Variants in PPP4R4 observed in about 807,000 individuals in gnomAD.
The protein encoded by PPP4R4 is serine/threonine-protein phosphatase 4 regulatory subunit 4.
In PPP4R4, 70 loss-of-function variants were observed where a neutral mutation model predicts 121.8. That is an observed-to-expected ratio of 0.57 (90% CI 0.47 to 0.70). The LOEUF (loss-of-function observed/expected upper bound fraction) is 0.70, where lower values mean the gene tolerates loss of function less well. Ranked by LOEUF, PPP4R4 falls within the 30% of genes least tolerant of loss-of-function variation. PPP4R4 has a pLI of 0.00. For missense variants in PPP4R4, 875 were observed against 1,033.6 expected (o/e 0.85, Z 2.10); for synonymous variants, 348 against 355.7 (o/e 0.98, Z 0.24).
chr14:94,206,196 C>A (rs1890449961), intron 2 of PPP4R4, among the ~76,000 whole-genome samples: 2 of 151,728 alleles, frequency 1.3e-5, no homozygotes, highest in South Asian at 4.2e-4. Context: ...GGATTCATCT[C>A]TTTTATCATT....
chr14:94,250,193 G>T lies in PPP4R4; in HGVS notation c.1633G>T (p.Ala545Ser). ...MTNNVLPVQK[A>S]ASRTLCIFLR... Reference sequence around the variant, plus strand: ...CAAGAATGTTTTACCTGTCCAAAAGGCGGCTTCACGAACTCTATGCATTTT... The same window carrying T: ...CAAGAATGTTTTACCTGTCCAAAAGTCGGCTTCACGAACTCTATGCATTTT... Residue 545 changes from alanine (A) to serine (S), a missense_variant, in exon 15 of 25, where the codon GCG (alanine) becomes TCG (serine). By Grantham distance (99) the Ala-to-Ser change is moderately conservative. Transcript: ENST00000304338. The T allele has an allele frequency of 6.2e-7, 1 of 1,611,110 alleles. No individual in the cohort carries two copies. The highest frequency in any genetic ancestry group is 8.5e-7 in the Non-Finnish European group (1 of 1,177,648).
chr14:94,268,016 G>T (rs1009102390), intron 23 of PPP4R4, among the ~76,000 whole-genome samples: 1 of 152,086 alleles, frequency 6.6e-6, no homozygotes, highest in Non-Finnish European at 1.5e-5. Flanking sequence ...GGTGATTATC[G>T]CAAGAAATAA....
chr14:94,185,723 A>T (rs1214574037), intron 2 of PPP4R4, among the ~76,000 whole-genome samples: 1 of 152,198 alleles, frequency 6.6e-6, no homozygotes, highest in Non-Finnish European at 1.5e-5. Flanking sequence ...CATCCCATTT[A>T]GAAACTTCTT....
chr14:94,237,048 A>G (rs1240418610), intron 7 of PPP4R4, among the ~76,000 whole-genome samples: 2 of 152,178 alleles, frequency 1.3e-5, no homozygotes, highest in South Asian at 2.1e-4. Context: ...TATACTCCCT[A>G]AAAGTATTTA....
At chr14:94,185,775 G>A (rs73342832) in intron 2 of PPP4R4, among the ~76,000 whole-genome samples, 4,727 of 152,198 alleles carry the variant, frequency 0.031, 202 homozygotes, top group African/African-American at 0.091. Flanking sequence ...TCTAGATTGG[G>A]CACCAAATTC....
intron 12 of PPP4R4, 59 bp downstream of exon 12, chr14:94,244,771 T>C: frequency 7.1e-7 from 1 of 1,400,376 alleles, no homozygotes. Flanking sequence ...AATATACCAA[T>C]GCCTTTTCTC....
intron 5 of PPP4R4, 129 bp downstream of exon 5, chr14:94,231,444 T>C (rs1170700133): frequency 3.1e-6 from 2 of 642,420 alleles, no homozygotes; most frequent in African/African-American, 3.7e-5. Flanking sequence ...ACGTGCACAT[T>C]GGAGGAAATT....
intron 8 of PPP4R4, among the ~76,000 whole-genome samples, chr14:94,239,342 TC>T (rs1330124634): frequency 3.4e-5 from 2 of 58,392 alleles, no homozygotes; most frequent in East Asian, 5.6e-4. Context: ...ATGCTATCCC[TC>T]CCCCCTCCCC....
intron 6 of PPP4R4, 124 bp from the exon 7 acceptor site, chr14:94,234,438 A>T (rs1892215446): frequency 3.1e-6 from 2 of 636,362 alleles, no homozygotes; most frequent in South Asian, 2.1e-5. Flanking sequence ...GTAAACTATT[A>T]TTTTTTTTCT....
chr14:94,273,727 C>A (rs2139666760), intron 23 of PPP4R4, among the ~76,000 whole-genome samples: 3 of 152,074 alleles, frequency 2.0e-5, no homozygotes, highest in Middle Eastern at 3.4e-3. Context: ...GATCTCTGTA[C>A]CTTCCACTCA....
At chr14:94,253,168 A>G (rs1001701461) in intron 16 of PPP4R4, among the ~76,000 whole-genome samples, 1 of 152,200 alleles carries the variant, frequency 6.6e-6, no homozygotes, top group Non-Finnish European at 1.5e-5. Context: ...ATTGAAAAGA[A>G]CCTTTTGGGC....
chr14:94,234,910 A>G (rs895751458), intron 7 of PPP4R4, among the ~76,000 whole-genome samples: 5 of 152,224 alleles, frequency 3.3e-5, no homozygotes, highest in African/African-American at 1.2e-4. Flanking sequence ...ATAGCCCAAT[A>G]TAAACCATAC....
At chr14:94,193,773 C>G (rs1036537556) in intron 2 of PPP4R4, among the ~76,000 whole-genome samples, 1 of 152,044 alleles carries the variant, frequency 6.6e-6, no homozygotes, top group Non-Finnish European at 1.5e-5. Flanking sequence ...GCTTGAGATT[C>G]TAGAGATGGA....
At chr14:94,175,103 AC>A (rs1299232892) in intron 1 of PPP4R4, among the ~76,000 whole-genome samples, 1 of 149,700 alleles carries the variant, frequency 6.7e-6, no homozygotes. Flanking sequence ...ATCGGTCCAC[AC>A]ATTCCCAACT....
chr14:94,178,510 A>G (rs2139371472), intron 2 of PPP4R4, among the ~76,000 whole-genome samples: 1 of 151,864 alleles, frequency 6.6e-6, no homozygotes, highest in East Asian at 1.9e-4. Context: ...TGGGGTTCTG[A>G]TAGCATTTAG....
chr14:94,269,705 G>C (rs1478126386), intron 23 of PPP4R4, among the ~76,000 whole-genome samples: 1 of 151,812 alleles, frequency 6.6e-6, no homozygotes, highest in Non-Finnish European at 1.5e-5. Context: ...AAACAAAACT[G>C]TAAGGAAAGG....
chr14:94,255,493 C>T (rs895061417), intron 16 of PPP4R4, among the ~76,000 whole-genome samples: 6 of 151,648 alleles, frequency 4.0e-5, no homozygotes, highest in East Asian at 1.9e-4. Flanking sequence ...CCCAGCTACT[C>T]GGGAGGCTGA....
intron 2 of PPP4R4, among the ~76,000 whole-genome samples, chr14:94,207,909 T>A (rs75106066): frequency 1.3e-5 from 2 of 151,928 alleles, no homozygotes; most frequent in African/African-American, 4.8e-5. Flanking sequence ...AAAGGAGTTA[T>A]GTAAATATAC....
At chr14:94,237,854 A>G (rs1595509875) in intron 8 of PPP4R4, among the ~76,000 whole-genome samples, 168 bp downstream of exon 8, 3 of 151,908 alleles carry the variant, frequency 2.0e-5, no homozygotes, top group Admixed American at 6.6e-5. Context: ...TTTCACTTTT[A>G]CCCTCATGGT....
Sources: gnomAD v4.1 joint callset for allele counts (sites outside exome capture counted in the v4.1 genomes callset) on GRCh38, gnomAD v4.1.1 for gene constraint, MANE v1.5 for transcripts, NCBI Gene and HGNC (gene_info 2026-07-23, HGNC 2026-07-21) for gene names.